The following ZNF804B variants were observed in gnomAD, a reference collection of about 807,000 sequenced individuals.
The protein encoded by ZNF804B is zinc finger 804B.
A neutral mutation model predicts 101.4 loss-of-function variants in ZNF804B; 80 were observed. The ratio of observed to expected loss-of-function variants is 0.79; its 90% CI spans 0.66 to 0.95. ZNF804B has a LOEUF of 0.95. ZNF804B is among the 40% of genes least tolerant of loss of function. The pLI, the probability that ZNF804B is intolerant of heterozygous loss-of-function variation, is 0.00. For missense variants in ZNF804B, 1,673 were observed against 1,561.9 expected (o/e 1.07, Z -1.20); for synonymous variants, 622 against 558.8 (o/e 1.11, Z -1.59).
chr7:89,007,670 G>T (rs1411751152), intron 1 of ZNF804B, among the ~76,000 whole-genome samples: 1 of 146,806 alleles, frequency 6.8e-6, no homozygotes, highest in Non-Finnish European at 1.5e-5. Context: ...ATAAAAAGCA[G>T]CTGTATAGAA....
chr7:89,077,734 A>G (rs1789635764), intron 1 of ZNF804B, among the ~76,000 whole-genome samples: 1 of 152,158 alleles, frequency 6.6e-6, no homozygotes, highest in Admixed American at 6.5e-5. Flanking sequence ...AAGATGTTAT[A>G]TTAGCTTCCC....
At chr7:89,227,607 C>A (rs1213648812) in intron 2 of ZNF804B, among the ~76,000 whole-genome samples, 1 of 152,116 alleles carries the variant, frequency 6.6e-6, no homozygotes, top group African/African-American at 2.4e-5. Flanking sequence ...GGGTAAATAG[C>A]ATTTTCATTA....
intron 2 of ZNF804B, among the ~76,000 whole-genome samples, chr7:89,233,162 G>T (rs932595681): frequency 2.6e-5 from 4 of 152,036 alleles, no homozygotes; most frequent in African/African-American, 7.2e-5. Context: ...TCCTGACCTC[G>T]TGATCCATCC....
chr7:88,919,803 G>A (rs1426349634), intron 1 of ZNF804B, among the ~76,000 whole-genome samples: 1 of 152,038 alleles, frequency 6.6e-6, no homozygotes, highest in Non-Finnish European at 1.5e-5. Flanking sequence ...TCTGAGACAG[G>A]CCTGATTCTA....
intron 1 of ZNF804B, among the ~76,000 whole-genome samples, chr7:88,849,714 A>G (rs907443514): frequency 3.3e-5 from 5 of 151,206 alleles, no homozygotes; most frequent in Non-Finnish European, 7.4e-5. Context: ...TTAATTTATT[A>G]TTTAAATTTA....
chr7:88,792,899 A>G (rs1790401069), intron 1 of ZNF804B, among the ~76,000 whole-genome samples: 1 of 152,098 alleles, frequency 6.6e-6, no homozygotes, highest in Non-Finnish European at 1.5e-5. Flanking sequence ...GTTATGTAAC[A>G]ATGATGCATA....
intron 1 of ZNF804B, among the ~76,000 whole-genome samples, chr7:88,877,514 A>C (rs1406237908): frequency 6.6e-6 from 1 of 152,086 alleles, no homozygotes; most frequent in Non-Finnish European, 1.5e-5. Context: ...ATATTAAGGG[A>C]GTGTGAACCA....
At chr7:88,889,705 A>G (rs1424606687) in intron 1 of ZNF804B, among the ~76,000 whole-genome samples, 1 of 152,110 alleles carries the variant, frequency 6.6e-6, no homozygotes, top group African/African-American at 2.4e-5. Context: ...GTTGGGGAAT[A>G]TTTACTGCCA....
chr7:89,240,408 T>C (rs1789350214), intron 2 of ZNF804B, among the ~76,000 whole-genome samples: 1 of 152,064 alleles, frequency 6.6e-6, no homozygotes, highest in Admixed American at 6.6e-5. Context: ...TGAAAGTTTT[T>C]TTTTCTCTCT....
intron 1 of ZNF804B, among the ~76,000 whole-genome samples, chr7:89,038,134 C>T (rs1433445164): frequency 1.3e-5 from 2 of 152,144 alleles, no homozygotes; most frequent in African/African-American, 4.8e-5. Context: ...GTGCAATAAA[C>T]ACTGGGGTGC....
intron 1 of ZNF804B, among the ~76,000 whole-genome samples, chr7:88,907,320 T>A (rs541752449): frequency 9.2e-5 from 14 of 152,132 alleles, no homozygotes; most frequent in African/African-American, 3.4e-4. Flanking sequence ...CTGGTGTGTT[T>A]TGCCCATTTA....
chr7:89,331,614 G>A (rs1024222017), intron 3 of ZNF804B, among the ~76,000 whole-genome samples: 56 of 151,524 alleles, frequency 3.7e-4, no homozygotes, highest in African/African-American at 1.2e-3. Flanking sequence ...AAGAGGAGAC[G>A]TTCTAAAATC....
intron 2 of ZNF804B, among the ~76,000 whole-genome samples, chr7:89,294,778 T>G (rs1265513969): frequency 6.6e-6 from 1 of 152,064 alleles, no homozygotes; most frequent in Non-Finnish European, 1.5e-5. Context: ...ATATGTTAAT[T>G]TTTTAAGTTC....
At chr7:88,861,307 A>T (rs1271576266) in intron 1 of ZNF804B, among the ~76,000 whole-genome samples, 1 of 152,154 alleles carries the variant, frequency 6.6e-6, no homozygotes, top group African/African-American at 2.4e-5. Flanking sequence ...TAACATTTCC[A>T]TGGAATTAAA....
At chr7:88,974,735 T>C (rs1455803682) in intron 1 of ZNF804B, among the ~76,000 whole-genome samples, 2 of 151,408 alleles carry the variant, frequency 1.3e-5, no homozygotes, top group Admixed American at 1.3e-4. Context: ...TATGTAATAA[T>C]CACAGGAGGG....
chr7:89,019,120 G>A (rs867047065), intron 1 of ZNF804B, among the ~76,000 whole-genome samples: 1 of 151,906 alleles, frequency 6.6e-6, no homozygotes, highest in Admixed American at 6.6e-5. Flanking sequence ...GGCATTTATT[G>A]CTATAAACTT....
intron 1 of ZNF804B, among the ~76,000 whole-genome samples, chr7:89,090,755 A>G (rs1789872317): frequency 6.6e-6 from 1 of 152,058 alleles, no homozygotes; most frequent in Admixed American, 6.6e-5. Flanking sequence ...ATACAAAAAT[A>G]CTATTCTGGT....
At chr7:88,845,291 G>GCACA (rs1554339266) in intron 1 of ZNF804B, among the ~76,000 whole-genome samples, 5 of 106,450 alleles carry the variant, frequency 4.7e-5, no homozygotes, top group African/African-American at 1.6e-4. Flanking sequence ...ACGCGCGCGC[G>GCACA]CACGCGCGCG....
chr7:88,836,412 T>C (rs929082152), intron 1 of ZNF804B, among the ~76,000 whole-genome samples: 1 of 151,824 alleles, frequency 6.6e-6, no homozygotes, highest in African/African-American at 2.4e-5. Flanking sequence ...AAAAGTCCCA[T>C]GGGGCAGCAA....
Sources: allele counts gnomAD v4.1 joint callset (sites outside exome capture counted in the v4.1 genomes callset), GRCh38; gene constraint gnomAD v4.1.1; transcripts MANE v1.5; gene names NCBI Gene and HGNC (gene_info 2026-07-23, HGNC 2026-07-21).